Variants in KAT6A observed in about 807,000 individuals in gnomAD.
KAT6A encodes the protein lysine acetyltransferase 6A.
Under a neutral mutation model 198.4 loss-of-function variants are expected in KAT6A, and 9 were observed. That is an observed-to-expected ratio of 0.05 (90% CI 0.03 to 0.08). KAT6A has a LOEUF of 0.08. Ranked by LOEUF, KAT6A falls within the 10% of genes least tolerant of loss-of-function variation. The probability of loss-of-function intolerance (pLI) is 1.00; values close to 1 mark genes in which losing one functional copy is unlikely to be tolerated. For missense variants in KAT6A, 2,077 were observed against 2,509.9 expected, an observed-to-expected ratio of 0.83 and a Z score of 3.69; for synonymous variants, 890 against 883.0, an observed-to-expected ratio of 1.01 and a Z score of -0.14.
At chr8:41,945,364 G>A (rs552822553) in intron 12 of KAT6A, among the ~76,000 whole-genome samples, 90 of 150,674 alleles carry the variant, frequency 6.0e-4, no homozygotes, top group Admixed American at 1.1e-3. Flanking sequence ...TCCACCTCCC[G>A]GGTTCAAGCA....
chr8:41,980,751 T>C, intron 5 of KAT6A, 95 bp downstream of exon 5: 1 of 901,594 alleles, frequency 1.1e-6, no homozygotes, highest in Non-Finnish European at 1.8e-6. Flanking sequence ...AAAAGAAAGA[T>C]CCAATTATTA....
intron 2 of KAT6A, among the ~76,000 whole-genome samples, chr8:42,036,528 G>A (rs886997800): frequency 1.3e-5 from 2 of 152,056 alleles, no homozygotes; most frequent in Non-Finnish European, 1.5e-5. Flanking sequence ...CAGAAGAATC[G>A]CTTGAACCCA....
At chr8:42,047,488 A>G (rs1019490387) in intron 2 of KAT6A, among the ~76,000 whole-genome samples, 5 of 152,106 alleles carry the variant, frequency 3.3e-5, no homozygotes, top group African/African-American at 1.2e-4. Flanking sequence ...AGCATAGCTC[A>G]CTGGAGCCTC....
At chr8:41,947,663 C>T in intron 11 of KAT6A, 88 bp downstream of exon 11, 1 of 1,046,960 alleles carries the variant, frequency 9.6e-7, no homozygotes, top group Non-Finnish European at 1.4e-6. Flanking sequence ...GGAGGTGCTG[C>T]ATCTTGTTGT....
At chr8:41,978,887 T>C in intron 5 of KAT6A, 110 bp from the exon 6 acceptor site, 2 of 967,606 alleles carry the variant, frequency 2.1e-6, no homozygotes, top group East Asian at 2.5e-5. Flanking sequence ...AGACTGTCAT[T>C]AGAAAATCTG....
In KAT6A at chr8:42,004,522, T is replaced by C. The variant is rs1440407744; in HGVS notation, c.601-16959A>G. On this transcript the variant is annotated intron_variant, in intron 2 of 16. Transcript: ENST00000265713. Reference sequence around the variant, plus strand: ...TCAACTTTATAAAAAATCTTGAAAATAAGAACCCCAACTTTCAAGATCCTA... The same window carrying C: ...TCAACTTTATAAAAAATCTTGAAAACAAGAACCCCAACTTTCAAGATCCTA... 1.1e-4 allele frequency among the ~76,000 whole-genome samples: 17 copies of C among 152,266 alleles called. No homozygotes were observed. The East Asian group carries it at 3.1e-3, about 28-fold the overall frequency.
intron 2 of KAT6A, among the ~76,000 whole-genome samples, chr8:42,009,912 A>C (rs1171723332): frequency 2.9e-5 from 4 of 138,888 alleles, no homozygotes; most frequent in Non-Finnish European, 3.1e-5. Context: ...AAAAAAAAAA[A>C]AACAAAAAAA....
rs1247690612 is a variant in KAT6A, at chr8:41,937,338, C to A, written c.3270G>T (p.Ser1090=). The change falls in exon 16 of 17, where the codon TCG becomes TCT. Residue 1090 remains serine, a synonymous_variant. Transcript: ENST00000265713. ...AGGACTGACACCTGAGTACATCCTG[C>A]GAAGACAAACGACGGAAGTATTCTC... is the stretch of plus-strand genomic sequence containing the variant. The part of the protein sequence containing the change: ...FPREYFRRLS[S]QDVLRCQSSS... The A allele has an allele frequency of 1.2e-6, 2 of 1,614,020 alleles. No homozygotes were observed. Among genetic ancestry groups the A allele is most frequent in the South Asian group, 1.1e-5 (1 of 91,072 alleles).
At chr8:42,046,223 G>C (rs759485489) in intron 2 of KAT6A, among the ~76,000 whole-genome samples, 2 of 152,008 alleles carry the variant, frequency 1.3e-5, no homozygotes, top group South Asian at 4.2e-4. Context: ...GATAATTCAA[G>C]CAAGTGTAAT....
In KAT6A at chr8:42,048,445, C is replaced by A; in HGVS notation, c.533G>T (p.Gly178Val). Residue 178 changes from glycine (G) to valine (V), a missense_variant, in exon 2 of 17, where the codon GGG becomes GTG. Gly to Val is a moderately radical substitution (Grantham distance 109). Around this residue, in one of 13 missense-constraint regions of KAT6A, gnomAD observed 185 missense variants for 185.7 expected, o/e 1.00. Coordinates refer to ENST00000265713, the MANE Select transcript of KAT6A (RefSeq NM_006766.5). ...GGAAAGAGACTCACAACTCTCTTTC[C>A]CATCCACGTTGGTTGCTTTAGTGTT... Reference protein sequence around the residue: ...RLNTKATNVDGKESCESLSCL... With the variant: ...RLNTKATNVDVKESCESLSCL... 3 of 1,614,072 alleles carry A rather than the reference C, an allele frequency of 1.9e-6. No individual in the cohort carries two copies. The highest frequency in any genetic ancestry group is 2.5e-6 in the Non-Finnish European group (3 of 1,179,938).
chr8:42,032,856 T>C (rs867268502), intron 2 of KAT6A, among the ~76,000 whole-genome samples: 1 of 151,148 alleles, frequency 6.6e-6, no homozygotes, highest in East Asian at 1.9e-4. Context: ...GTCTAATGCT[T>C]ATTTAAAACC....
Position 41,947,754 on chromosome 8 carries a change from A to G in KAT6A, c.1899T>C (p.Ser633=), listed in dbSNP as rs781587695. The G allele has an allele frequency of 1.3e-5, 20 of 1,589,128 alleles. No homozygotes were observed. The highest frequency in any genetic ancestry group is 2.0e-5 in the Admixed American group (1 of 51,178). Residue 633 remains serine, a synonymous_variant, in exon 11 of 17, where the codon TCT becomes TCC. Coordinates refer to ENST00000265713, the MANE Select transcript of KAT6A (RefSeq NM_006766.5). The stretch of plus-strand genomic sequence containing the variant: ...AACTTTAAGCTGACATACTTACCTT[A>G]GAAAAGTAGCCAACAAGGTGGCAGC... ...VKGCHLVGYF[S]KEKHCQQKYN...
chr8:41,947,754 A>C lies in KAT6A; in HGVS notation c.1899T>G (p.Ser633=), dbSNP rs781587695. The C allele has an allele frequency of 1.9e-6, 3 of 1,589,246 alleles. No individual in the cohort carries two copies. Residue 633 remains serine (S), a synonymous_variant, in exon 11 of 17, where the codon TCT becomes TCG. Coordinates refer to ENST00000265713, the MANE Select transcript of KAT6A (RefSeq NM_006766.5). ...AACTTTAAGCTGACATACTTACCTT[A>C]GAAAAGTAGCCAACAAGGTGGCAGC... ...VKGCHLVGYF[S]KEKHCQQKYN...
intron 2 of KAT6A, among the ~76,000 whole-genome samples, chr8:42,033,450 A>C (rs1040014741): frequency 6.6e-6 from 1 of 152,192 alleles, no homozygotes; most frequent in Non-Finnish European, 1.5e-5. Flanking sequence ...CGAAACCGAG[A>C]GCTAAGTTAG....
rs113809048 is a variant in KAT6A at position 41,934,560 on chromosome 8, G to A, written c.3660C>T (p.Pro1220=). The A allele has an allele frequency of 7.6e-5, 123 of 1,613,814 alleles. No homozygotes were observed. In the African/African-American group the frequency reaches 1.1e-3, roughly 15 times the overall value. ...TCTCCTCCTCCTCCTTCCTCTCCTC[G>A]GGTAGGGGCATGTCTTCTTTTGGCT... ...TVEPKEDMPL[P]EERKEEEEMQ... The change falls in exon 17 of 17, where the codon CCC becomes CCT. Residue 1220 remains proline, a synonymous_variant. Coordinates refer to ENST00000265713, the MANE Select transcript of KAT6A (RefSeq NM_006766.5).
At position 42,049,189 on chromosome 8, in the gene KAT6A, C is replaced by A. The variant is rs572613710; in HGVS notation, c.-212G>T. On this transcript the variant is annotated 5_prime_UTR_variant, in exon 2 of 17. It introduces an in-frame stop codon into an upstream open reading frame of the 5' UTR. Coordinates refer to ENST00000265713, the MANE Select transcript of KAT6A (RefSeq NM_006766.5). The stretch of plus-strand genomic sequence containing the variant: ...AACAACCTGTTGATTGAAATGTCTT[C>A]CAACTTCCCAATGAATTTCTCAATA... 224 of 520,700 alleles carry A rather than the reference C, an allele frequency of 4.3e-4. 1 individual carries two copies. Among genetic ancestry groups the A allele is most frequent in the Non-Finnish European group, 4.7e-4 (140 of 297,440 alleles). 32.3% of individuals were successfully genotyped at this position (520,700 alleles called of 1,614,324 possible). A position where few individuals can be genotyped will look rare whatever the true frequency, so the allele number is the denominator to read the frequency against.
At chr8:42,047,210 G>C (rs952919397) in intron 2 of KAT6A, among the ~76,000 whole-genome samples, 2 of 152,112 alleles carry the variant, frequency 1.3e-5, no homozygotes, top group African/African-American at 4.8e-5. Context: ...CTATAATTCA[G>C]AGCACCTTAA....
intron 8 of KAT6A, among the ~76,000 whole-genome samples, chr8:41,972,364 T>C (rs1052648661): frequency 6.6e-6 from 1 of 152,218 alleles, no homozygotes; most frequent in African/African-American, 2.4e-5. Context: ...AAAAACAGGT[T>C]ATCTGCATTT....
Position 42,049,213 on chromosome 8 carries a change from T to G in KAT6A, c.-236A>C. On this transcript the variant is annotated 5_prime_UTR_variant, in exon 2 of 17. Transcript: ENST00000265713. ...TCCAACTTCCCAATGAATTTCTCAA[T>G]AGCACCACACATGGGTCTCGTCATA... 1 of 501,418 alleles carries G rather than the reference T, an allele frequency of 2.0e-6. No individual in the cohort carries two copies. The highest frequency in any genetic ancestry group is 3.5e-5 in the South Asian group (1 of 28,460). 31.1% of individuals were successfully genotyped at this position (501,418 alleles called of 1,614,324 possible). A position where few individuals can be genotyped will look rare whatever the true frequency, so the allele number is the denominator to read the frequency against.
Sources: gnomAD v4.1 joint callset for allele counts (sites outside exome capture counted in the v4.1 genomes callset) on GRCh38, gnomAD v4.1.1 for gene constraint, gnomAD v4.1.1 regional missense constraint, MANE v1.5 for transcripts, NCBI Gene and HGNC (gene_info 2026-07-23, HGNC 2026-07-21) for gene names.